RERG: variants seen among roughly 807,000 people sequenced by gnomAD.
RERG encodes ras-related and estrogen-regulated growth inhibitor.
Under a neutral mutation model 23.2 loss-of-function variants are expected in RERG, and 25 were observed. That is an observed-to-expected ratio of 1.08 (90% CI 0.79 to 1.50). The LOEUF is 1.50. RERG is among the 40% of genes most tolerant of loss of function. The probability of loss-of-function intolerance (pLI) is 0.00; values close to 1 mark genes in which losing one functional copy is unlikely to be tolerated. For missense variants in RERG, 253 were observed against 250.1 expected (o/e 1.01, Z -0.08); for synonymous variants, 81 against 89.1 (o/e 0.91, Z 0.51).
intron 2 of RERG, among the ~76,000 whole-genome samples, chr12:15,146,608 G>C (rs1002154079): frequency 6.6e-6 from 1 of 152,166 alleles, no homozygotes; most frequent in African/African-American, 2.4e-5. Flanking sequence ...AATCAAATCT[G>C]GGACTGTCAA....
At chr12:15,178,934 G>A (rs1864888243) in intron 2 of RERG, among the ~76,000 whole-genome samples, 1 of 152,104 alleles carries the variant, frequency 6.6e-6, no homozygotes, top group Admixed American at 6.6e-5. Context: ...TAAAGTAAAA[G>A]TTTCTTAATT....
intron 2 of RERG, among the ~76,000 whole-genome samples, chr12:15,172,556 T>A (rs962166455): frequency 6.6e-6 from 1 of 152,094 alleles, no homozygotes; most frequent in African/African-American, 2.4e-5. Flanking sequence ...TGCCAAACGG[T>A]TTTCCAAAAT....
intron 2 of RERG, among the ~76,000 whole-genome samples, chr12:15,169,546 T>C (rs997563973): frequency 1.3e-5 from 2 of 152,182 alleles, no homozygotes; most frequent in African/African-American, 4.8e-5. Flanking sequence ...TCTGTGGACC[T>C]TTCCTGGGCC....
intron 3 of RERG, among the ~76,000 whole-genome samples, chr12:15,118,357 G>A (rs534319801): frequency 7.2e-5 from 11 of 152,168 alleles, no homozygotes; most frequent in Non-Finnish European, 1.5e-4. Flanking sequence ...GCTTCTCGTG[G>A]AGTAACAATT....
chr12:15,166,886 A>G (rs1446888295), intron 2 of RERG, among the ~76,000 whole-genome samples: 1 of 151,076 alleles, frequency 6.6e-6, no homozygotes, highest in Non-Finnish European at 1.5e-5. Flanking sequence ...GTTTTAGGGT[A>G]CATGTGCACA....
chr12:15,160,069 T>C (rs1864581721), intron 2 of RERG, among the ~76,000 whole-genome samples: 1 of 152,204 alleles, frequency 6.6e-6, no homozygotes, highest in Non-Finnish European at 1.5e-5. Context: ...TCTACTTGTA[T>C]AAAACAGCAA....
intron 2 of RERG, among the ~76,000 whole-genome samples, chr12:15,211,108 A>T (rs1865359660): frequency 6.6e-6 from 1 of 152,148 alleles, no homozygotes; most frequent in Non-Finnish European, 1.5e-5. Context: ...GGGCAGAGGG[A>T]AGCATAATCT....
chr12:15,122,335 C>T (rs1296437948), intron 2 of RERG, among the ~76,000 whole-genome samples: 1 of 152,180 alleles, frequency 6.6e-6, no homozygotes, highest in African/African-American at 2.4e-5. Context: ...TGGAAGGTCA[C>T]TGTCAGTCTT....
At chr12:15,139,249 G>A (rs1220426825) in intron 2 of RERG, among the ~76,000 whole-genome samples, 1 of 151,934 alleles carries the variant, frequency 6.6e-6, no homozygotes, top group Non-Finnish European at 1.5e-5. Flanking sequence ...TTGAAGTCTG[G>A]TAGTGTTAGT....
intron 2 of RERG, among the ~76,000 whole-genome samples, chr12:15,150,420 GCT>G (rs1259717081): frequency 6.6e-6 from 1 of 152,086 alleles, no homozygotes; most frequent in East Asian, 1.9e-4. Flanking sequence ...AGTCATTGGA[GCT>G]CTCTGTTTCA....
intron 2 of RERG, among the ~76,000 whole-genome samples, chr12:15,192,941 T>C (rs1188426349): frequency 6.6e-6 from 1 of 152,184 alleles, no homozygotes; most frequent in Non-Finnish European, 1.5e-5. Flanking sequence ...GTATGTCTCA[T>C]TCCTAGCTAT....
chr12:15,115,036 A>C (rs182277149), intron 3 of RERG, among the ~76,000 whole-genome samples: 87 of 152,266 alleles, frequency 5.7e-4, no homozygotes, highest in African/African-American at 2.0e-3. Flanking sequence ...GAAGACTAGA[A>C]GTAAATATGG....
intron 2 of RERG, among the ~76,000 whole-genome samples, chr12:15,192,179 G>A (rs1865080393): frequency 6.6e-6 from 1 of 152,116 alleles, no homozygotes; most frequent in African/African-American, 2.4e-5. Context: ...TCTCATGAAA[G>A]CTGACTGTTT....
At chr12:15,123,569 T>A (rs1391137495) in intron 2 of RERG, among the ~76,000 whole-genome samples, 1 of 139,248 alleles carries the variant, frequency 7.2e-6, no homozygotes, top group Non-Finnish European at 1.6e-5. Flanking sequence ...ATTTATTAAA[T>A]TTAAATAATA....
At chr12:15,159,133 G>A (rs1427791487) in intron 2 of RERG, among the ~76,000 whole-genome samples, 1 of 152,100 alleles carries the variant, frequency 6.6e-6, no homozygotes, top group Non-Finnish European at 1.5e-5. Flanking sequence ...CTTTCTCCCT[G>A]TTGATTTTTT....
chr12:15,162,379 A>G (rs1864627913), intron 2 of RERG, among the ~76,000 whole-genome samples: 1 of 152,232 alleles, frequency 6.6e-6, no homozygotes, highest in Non-Finnish European at 1.5e-5. Context: ...AGCTAAGAGG[A>G]CTGGGGAGAG....
chr12:15,116,576 C>T (rs1017914857), intron 3 of RERG, among the ~76,000 whole-genome samples: 2 of 151,972 alleles, frequency 1.3e-5, no homozygotes, highest in East Asian at 1.9e-4. Flanking sequence ...CGTGTGGTAG[C>T]GTGATTTTGT....
At chr12:15,210,565 C>T (rs1308349700) in intron 2 of RERG, among the ~76,000 whole-genome samples, 1 of 151,914 alleles carries the variant, frequency 6.6e-6, no homozygotes, top group Non-Finnish European at 1.5e-5. Flanking sequence ...AATTCACTTT[C>T]ATTTTTTTTT....
chr12:15,194,436 G>C (rs972526441), intron 2 of RERG, among the ~76,000 whole-genome samples: 2 of 151,092 alleles, frequency 1.3e-5, no homozygotes, highest in Non-Finnish European at 2.9e-5. Flanking sequence ...ATGTGCTTTT[G>C]AAAATCAGTT....
Sources: allele counts gnomAD v4.1 joint callset (sites outside exome capture counted in the v4.1 genomes callset), GRCh38; gene constraint gnomAD v4.1.1; transcripts MANE v1.5; gene names NCBI Gene and HGNC (gene_info 2026-07-23, HGNC 2026-07-21).